The following GFRA3 variants were observed in gnomAD, a reference collection of about 807,000 sequenced individuals.
The protein encoded by GFRA3 is GDNF family receptor alpha 3, also known as GDNF family receptor alpha-3.
In GFRA3, 24 loss-of-function variants were observed where a neutral mutation model predicts 40.0. The observed-to-expected ratio is 0.60, with a 90% CI of 0.43 to 0.84. The LOEUF is 0.84. Among genes scored for constraint, GFRA3 ranks in the 40% least tolerant of loss-of-function variants. GFRA3 has a pLI of 0.00. For missense variants in GFRA3, 405 were observed against 530.6 expected, an observed-to-expected ratio of 0.76 and a Z score of 2.33; for synonymous variants, 203 against 213.5, an observed-to-expected ratio of 0.95 and a Z score of 0.43.
chr5:138,274,226 T>C, intron 1 of GFRA3, 108 bp downstream of exon 1: 1 of 1,280,726 alleles, frequency 7.8e-7, no homozygotes, highest in South Asian at 3.2e-5. Context: ...TCGGCTCGGA[T>C]GCACCGGGAG....
At chr5:138,273,817 C>T (rs1755908703) in intron 1 of GFRA3, among the ~76,000 whole-genome samples, 11 of 152,186 alleles carry the variant, frequency 7.2e-5, no homozygotes, top group Admixed American at 7.2e-4. Flanking sequence ...AGGGGCAAGC[C>T]ACTGTGCTAG....
chr5:138,267,839 T>TA (rs1246718933), intron 1 of GFRA3: 1 of 152,236 alleles, frequency 6.6e-6, no homozygotes, highest in African/African-American at 2.4e-5. Flanking sequence ...TTTGCCCCAG[T>TA]ACAGCCAACT....
chr5:138,255,150 G>A (rs991312320), intron 4 of GFRA3, among the ~76,000 whole-genome samples: 23 of 151,962 alleles, frequency 1.5e-4, no homozygotes, highest in African/African-American at 5.3e-4. Context: ...AAGAAGGATC[G>A]ATTTACCTTA....
chr5:138,264,579 T>C, intron 1 of GFRA3, 31 bp from the exon 2 acceptor site: 2 of 1,486,928 alleles, frequency 1.3e-6, no homozygotes. Flanking sequence ...TGAGGCTACG[T>C]AAGATTAGAA....
In GFRA3 at chr5:138,274,511, C is replaced by T. The variant is rs562674417; in HGVS notation, c.-87G>A. 1.2e-3 allele frequency: 1,507 copies of T among 1,237,850 alleles called. 7 individuals are homozygous for T. The African/African-American group carries it at 0.014, about 11-fold the overall frequency. The allele number at this position is 1,237,850 out of a possible 1,614,324, so 76.7% of individuals were successfully genotyped here. A position where few individuals can be genotyped will look rare whatever the true frequency, so the allele number is the denominator to read the frequency against. ...GGGCTCCCTCGACCGGCACCTCCCGCCCCCGCCTCCCGCCCTCCAGCGCGA... is the reference window on the plus strand; with the variant it reads ...GGGCTCCCTCGACCGGCACCTCCCGTCCCCGCCTCCCGCCCTCCAGCGCGA... On this transcript the variant is annotated 5_prime_UTR_variant, in exon 1 of 8. Transcript: ENST00000274721.
chr5:138,267,550 C>T (rs187983071), intron 1 of GFRA3: 2 of 196,768 alleles, frequency 1.0e-5, no homozygotes, highest in Admixed American at 9.4e-5. Context: ...CACGAAGTCT[C>T]AACACAAGAA....
chr5:138,253,938 C>T (rs929410796), intron 5 of GFRA3, 38 bp from the exon 6 acceptor site: 7 of 1,606,830 alleles, frequency 4.4e-6, no homozygotes, highest in Non-Finnish European at 6.0e-6. Context: ...CCTAGGCTAA[C>T]CCTAACTTTA....
At chr5:138,266,960 G>C (rs1192340963) in intron 1 of GFRA3, 1 of 152,374 alleles carries the variant, frequency 6.6e-6, no homozygotes, top group Non-Finnish European at 1.5e-5. Context: ...AGGATTACAA[G>C]TGTGAGCCAC....
chr5:138,257,650 G>A lies in GFRA3; in HGVS notation c.774C>T (p.Asp258=), dbSNP rs750224210. ...CCCAAACTACACACCTGCAAAGCGG[G>A]TCGGAGAAGCAGAGGCGCCGCAGCT... is the stretch of plus-strand genomic sequence containing the variant. ...CLELRRLCFS[D]PLCRSRLVDF... Residue 258 remains aspartate, a synonymous_variant, in exon 4 of 8, where the codon GAC becomes GAT. Transcript: ENST00000274721. 2 of 1,609,212 alleles carry A rather than the reference G, an allele frequency of 1.2e-6. No individual in the cohort carries two copies. Among genetic ancestry groups the A allele is most frequent in the African/African-American group, 1.3e-5 (1 of 74,822 alleles).
At chr5:138,269,902 G>C (rs1755844010) in intron 1 of GFRA3, among the ~76,000 whole-genome samples, 1 of 150,906 alleles carries the variant, frequency 6.6e-6, no homozygotes, top group African/African-American at 2.4e-5. Context: ...CCACTACTGA[G>C]TGTCTACCCA....
chr5:138,273,560 C>T (rs1755906229), intron 1 of GFRA3, among the ~76,000 whole-genome samples: 1 of 152,212 alleles, frequency 6.6e-6, no homozygotes, highest in Non-Finnish European at 1.5e-5. Flanking sequence ...AGCATTTCTA[C>T]AGCACTGCGT....
intron 1 of GFRA3, among the ~76,000 whole-genome samples, chr5:138,274,106 G>A (rs1001738257): frequency 6.6e-6 from 1 of 152,168 alleles, no homozygotes; most frequent in African/African-American, 2.4e-5. Context: ...GGAGATGCTT[G>A]GGTGGCCAGG....
chr5:138,271,072 A>C (rs1182040758), intron 1 of GFRA3, among the ~76,000 whole-genome samples: 1 of 151,900 alleles, frequency 6.6e-6, no homozygotes, highest in Non-Finnish European at 1.5e-5. Context: ...GGCTCACTGC[A>C]ACCTCTGCCT....
chr5:138,271,913 T>TGTGTGTGTGTG (rs1554111239), intron 1 of GFRA3, among the ~76,000 whole-genome samples: 24 of 54,330 alleles, frequency 4.4e-4, no homozygotes, highest in South Asian at 1.1e-3. Flanking sequence ...TTTTTTTTTT[T>TGTGTGTGTGTG]TGTGTGTGTG....
chr5:138,274,192 G>C, intron 1 of GFRA3, 142 bp downstream of exon 1: 1 of 1,130,402 alleles, frequency 8.8e-7, no homozygotes, highest in Non-Finnish European at 1.1e-6. Context: ...GGCACCCTGG[G>C]CTTCCTGCTC....
chr5:138,268,924 C>CAAA (rs70979600), intron 1 of GFRA3, among the ~76,000 whole-genome samples: 1 of 92,392 alleles, frequency 1.1e-5, no homozygotes, highest in African/African-American at 5.0e-5. Context: ...GACTCCATCT[C>CAAA]AAAAAAAAAA....
At chr5:138,253,259 C>T in intron 7 of GFRA3, 28 bp downstream of exon 7, 1 of 1,440,750 alleles carries the variant, frequency 6.9e-7, no homozygotes, top group Non-Finnish European at 9.6e-7. Flanking sequence ...CAGTAAAGGT[C>T]TGAGGGGTGT....
Position 138,274,385 on chromosome 5 carries a change from C to A in GFRA3, c.40G>T (p.Val14Phe). 7.5e-7 allele frequency: 1 copy of A among 1,326,642 alleles called. No homozygotes were observed. Among genetic ancestry groups the A allele is most frequent in the Non-Finnish European group, 9.7e-7 (1 of 1,034,772 alleles). The allele number at this position is 1,326,642 out of a possible 1,614,324, so 82.2% of individuals were successfully genotyped here. ...PLNPRPLPPVVLMLLLLLPPS... is the reference protein window; with the variant it reads ...PLNPRPLPPVFLMLLLLLPPS... The stretch of plus-strand genomic sequence containing the variant: ...GGCAGCAGCAGCAGCAACATCAGGA[C>A]TACGGGCGGCAGCGGTCGCGGGTTC... Residue 14 changes from valine to phenylalanine, a missense_variant, in exon 1 of 8, where the codon GTC (valine) becomes TTC (phenylalanine). By Grantham distance (50) the Val-to-Phe change is conservative. Transcript: ENST00000274721.
intron 1 of GFRA3, among the ~76,000 whole-genome samples, chr5:138,265,510 G>A (rs566968053): frequency 2.7e-5 from 4 of 150,496 alleles, no homozygotes; most frequent in East Asian, 4.1e-4. Context: ...GAGCCACCGC[G>A]CCTTAATTCA....
Sources: gnomAD v4.1 joint callset for allele counts (sites outside exome capture counted in the v4.1 genomes callset) on GRCh38, gnomAD v4.1.1 for gene constraint, MANE v1.5 for transcripts, NCBI Gene and HGNC (gene_info 2026-07-23, HGNC 2026-07-21) for gene names.